Variants in FRYL observed in about 807,000 individuals in gnomAD.
FRYL encodes the protein FRY like transcription coactivator.
Under a neutral mutation model 351.2 loss-of-function variants are expected in FRYL, and 150 were observed. That is an observed-to-expected ratio of 0.43 (90% CI 0.37 to 0.49). The LOEUF (loss-of-function observed/expected upper bound fraction) is 0.49. FRYL is among the 20% of genes least tolerant of loss of function. The probability of loss-of-function intolerance (pLI) is 0.00; values close to 1 mark genes in which losing one functional copy is unlikely to be tolerated. For missense variants in FRYL, 3,036 were observed against 3,619.3 expected (o/e 0.84, Z 4.13); for synonymous variants, 1,153 against 1,257.1 (o/e 0.92, Z 1.75).
At chr4:48,558,366 T>G (rs59686413) in intron 33 of FRYL, among the ~76,000 whole-genome samples, 62,722 of 152,046 alleles carry the variant, frequency 0.41, 14,218 homozygotes, top group Admixed American at 0.56. Context: ...ATTCCACATA[T>G]ATGGAGTACC....
chr4:48,644,321 C>G (rs899035450), intron 3 of FRYL, among the ~76,000 whole-genome samples: 1 of 151,752 alleles, frequency 6.6e-6, no homozygotes, highest in African/African-American at 2.4e-5. Context: ...AGAATAAACA[C>G]TCAAGAAAAG....
At chr4:48,620,225 T>C (rs1750377294) in intron 6 of FRYL, among the ~76,000 whole-genome samples, 1 of 152,194 alleles carries the variant, frequency 6.6e-6, no homozygotes, top group Admixed American at 6.5e-5. Flanking sequence ...CCAAGAACAG[T>C]ATCATAGTAC....
chr4:48,611,112 C>A lies in FRYL; in HGVS notation c.412-1289G>T, dbSNP rs191513731. Among the ~76,000 whole-genome samples the A allele has an allele frequency of 1.4e-4, 21 of 151,890 alleles. No homozygotes were observed. The East Asian group carries it at 3.9e-3, about 28-fold the overall frequency. On this transcript the variant is annotated intron_variant, in intron 7 of 63. Coordinates refer to ENST00000358350, the MANE Select transcript of FRYL (RefSeq NM_015030.2). ...TATATATGGTGCATTGGTTCCAGGA[C>A]CCCCGTGATACCAAAATCTGCAGAT...
intron 53 of FRYL, among the ~76,000 whole-genome samples, chr4:48,527,024 G>A (rs1414186132): frequency 1.3e-5 from 2 of 152,110 alleles, no homozygotes; most frequent in South Asian, 4.1e-4. Context: ...ATATGTATAT[G>A]TACATGAGAA....
In FRYL at chr4:48,748,272, A is replaced by C. The variant is rs1469417424; in HGVS notation, c.-384+31806T>G. On this transcript the variant is annotated intron_variant, in intron 1 of 63. Coordinates refer to ENST00000358350, the MANE Select transcript of FRYL (RefSeq NM_015030.2). ...AAAAAAAAATACTTAAATAAAAATT[A>C]TATATATGCATCAAATTGGACTCTG... Among the ~76,000 whole-genome samples the C allele has an allele frequency of 2.0e-5, 3 of 152,202 alleles. No homozygotes were observed. The South Asian group carries it at 6.2e-4, about 32-fold the overall frequency.
At chr4:48,583,771 G>C (rs1741455643) in intron 19 of FRYL, among the ~76,000 whole-genome samples, 1 of 151,978 alleles carries the variant, frequency 6.6e-6, no homozygotes. Context: ...CAGGCGTGGT[G>C]GTGCACGCCT....
intron 1 of FRYL, among the ~76,000 whole-genome samples, chr4:48,767,960 T>G (rs1482867584): frequency 1.3e-5 from 2 of 152,238 alleles, no homozygotes; most frequent in African/African-American, 2.4e-5. Flanking sequence ...AACCTCTGAT[T>G]GATTTGGAGT....
In FRYL at chr4:48,509,703, G is replaced by T. The variant is rs376582406; in HGVS notation, c.8394+356C>A. On this transcript the variant is annotated intron_variant, in intron 59 of 63. Transcript: ENST00000358350. The stretch of plus-strand genomic sequence containing the variant: ...TTGCCCATGTACATGTACACATCAT[G>T]GGAAAAAGATTACAGCTTTGTCAGA... Among the ~76,000 whole-genome samples the T allele has an allele frequency of 4.6e-5, 7 of 152,172 alleles. 3 individuals carry two copies.
intron 1 of FRYL, among the ~76,000 whole-genome samples, chr4:48,711,625 C>A (rs1018384128): frequency 6.6e-6 from 1 of 152,400 alleles, no homozygotes; most frequent in African/African-American, 2.4e-5. Context: ...TAGACTCCAC[C>A]TCTGGGGGCA....
chr4:48,565,594 C>A lies in FRYL; in HGVS notation c.3267G>T (p.Thr1089=), dbSNP rs764289555. The A allele has an allele frequency of 6.2e-7, 1 of 1,613,720 alleles. No individual in the cohort carries two copies. Residue 1089 remains threonine (T), a synonymous_variant, in exon 29 of 64, where the codon ACG becomes ACT. Coordinates refer to ENST00000358350, the MANE Select transcript of FRYL (RefSeq NM_015030.2). ...HWAGPFSIMF[T]PLDRYSDRNM... ...TTCTATCACTGTATCTGTCCAAGGG[C>A]GTAAACATGATGCTAAAAGGACCTG...
intron 1 of FRYL, among the ~76,000 whole-genome samples, chr4:48,726,383 T>C (rs1770087232): frequency 6.6e-6 from 1 of 152,218 alleles, no homozygotes. Context: ...AAGTGACCTA[T>C]AAATTTCCAC....
At chr4:48,661,801 T>C (rs567450316) in intron 3 of FRYL, among the ~76,000 whole-genome samples, 3 of 152,202 alleles carry the variant, frequency 2.0e-5, no homozygotes, top group South Asian at 4.2e-4. Context: ...ACAGAATTGA[T>C]AGGTTCTTTA....
chr4:48,675,478 C>T (rs920999051), intron 3 of FRYL, among the ~76,000 whole-genome samples: 2 of 152,244 alleles, frequency 1.3e-5, no homozygotes, highest in Non-Finnish European at 2.9e-5. Flanking sequence ...AGGGACTTAG[C>T]ACCCGGGCCA....
intron 1 of FRYL, among the ~76,000 whole-genome samples, chr4:48,718,302 TA>T (rs1167447523): frequency 1.3e-5 from 2 of 151,654 alleles, no homozygotes; most frequent in Non-Finnish European, 2.9e-5. Flanking sequence ...CAAGCCACTT[TA>T]AAAACATTTT....
intron 13 of FRYL, among the ~76,000 whole-genome samples, chr4:48,599,183 G>C (rs1225681092): frequency 6.6e-6 from 1 of 151,942 alleles, no homozygotes; most frequent in East Asian, 1.9e-4. Flanking sequence ...TGTAAGTATA[G>C]ATTGTTGAAA....
At chr4:48,770,584 T>C (rs1320713306) in intron 1 of FRYL, among the ~76,000 whole-genome samples, 1 of 152,020 alleles carries the variant, frequency 6.6e-6, no homozygotes, top group East Asian at 1.9e-4. Flanking sequence ...ATTACAGGCA[T>C]GCACTACCAC....
intron 35 of FRYL, among the ~76,000 whole-genome samples, chr4:48,555,719 G>A (rs374356911): frequency 1.1e-4 from 17 of 152,210 alleles, no homozygotes; most frequent in South Asian, 2.1e-4. Flanking sequence ...GTGCGGTAAC[G>A]TTGTCTTGTA....
chr4:48,596,806 A>G (rs1744679955), intron 13 of FRYL, among the ~76,000 whole-genome samples: 1 of 152,166 alleles, frequency 6.6e-6, no homozygotes, highest in Admixed American at 6.6e-5. Context: ...TGTTATAAAA[A>G]ATAAAGTTCT....
chr4:48,601,928 A>C, intron 13 of FRYL, 92 bp downstream of exon 13: 1 of 682,718 alleles, frequency 1.5e-6, no homozygotes, highest in Non-Finnish European at 2.6e-6. Context: ...TACCAATAGT[A>C]ACAAAAGTTT....
Sources: allele counts gnomAD v4.1 joint callset (sites outside exome capture counted in the v4.1 genomes callset), GRCh38; gene constraint gnomAD v4.1.1; transcripts MANE v1.5; gene names NCBI Gene and HGNC (gene_info 2026-07-23, HGNC 2026-07-21).